The following ANKRD45 variants were observed in gnomAD, a reference collection of about 807,000 sequenced individuals.
The protein encoded by ANKRD45 is ankyrin repeat domain 45, also known as ankyrin repeat domain-containing protein 45.
ANKRD45 carries 21 observed loss-of-function variants against 28.1 expected under a neutral mutation model. The ratio of observed to expected loss-of-function variants is 0.75; its 90% CI spans 0.53 to 1.08. ANKRD45 has a LOEUF of 1.08. Ranked by LOEUF, ANKRD45 falls within the 50% of genes least tolerant of loss-of-function variation. The pLI, the probability that ANKRD45 is intolerant of heterozygous loss-of-function variation, is 0.00. For missense variants in ANKRD45, 261 were observed against 308.7 expected (o/e 0.85, Z 1.16); for synonymous variants, 86 against 103.9 (o/e 0.83, Z 1.05).
chr1:173,658,728 A>G (rs921990493), intron 2 of ANKRD45: 2 of 159,680 alleles, frequency 1.3e-5, no homozygotes, highest in African/African-American at 4.8e-5. Context: ...CTATATATCA[A>G]TTTACGATAT....
chr1:173,662,699 T>G (rs1669831245), intron 1 of ANKRD45, among the ~76,000 whole-genome samples: 1 of 152,112 alleles, frequency 6.6e-6, no homozygotes, highest in East Asian at 1.9e-4. Flanking sequence ...TATCAATCCT[T>G]CCAATCCCTC....
chr1:173,669,622 A>AT (rs1213139152), intron 1 of ANKRD45, among the ~76,000 whole-genome samples, 195 bp downstream of exon 1: 1 of 152,138 alleles, frequency 6.6e-6, no homozygotes, highest in Non-Finnish European at 1.5e-5. Flanking sequence ...ACCTTCTGCG[A>AT]TCCCTTGCGG....
intron 1 of ANKRD45, chr1:173,667,873 C>A: frequency 4.5e-6 from 1 of 223,800 alleles, no homozygotes; most frequent in Non-Finnish European, 9.0e-6. Context: ...CATATTGCAA[C>A]GGATAGACTG....
chr1:173,613,511 C>T (rs1167619608), intron 5 of ANKRD45, among the ~76,000 whole-genome samples: 2 of 131,494 alleles, frequency 1.5e-5, no homozygotes, highest in Non-Finnish European at 3.2e-5. Flanking sequence ...GAGGTGGGGG[C>T]TCAGCCCCCG....
the ANKRD45 span, among the ~76,000 whole-genome samples, chr1:173,694,446 G>GA: frequency 3.9e-5 from 6 of 151,998 alleles, no homozygotes; most frequent in Non-Finnish European, 7.4e-5. Context: ...TTACAAGCGT[G>GA]AATCACTGTG....
chr1:173,676,769 C>T, the ANKRD45 span, among the ~76,000 whole-genome samples: 1 of 144,248 alleles, frequency 6.9e-6, no homozygotes, highest in South Asian at 2.2e-4. Flanking sequence ...TTACTGATAA[C>T]ATACACTAAT....
At chr1:173,654,649 G>T (rs1448521717) in intron 2 of ANKRD45, among the ~76,000 whole-genome samples, 2 of 152,284 alleles carry the variant, frequency 1.3e-5, no homozygotes, top group African/African-American at 2.4e-5. Context: ...GGCCTGCCTT[G>T]CTAGGTTGGG....
the ANKRD45 span, among the ~76,000 whole-genome samples, chr1:173,706,929 C>T: frequency 6.6e-6 from 1 of 152,140 alleles, no homozygotes; most frequent in African/African-American, 2.4e-5. Flanking sequence ...TTCTTCCCCA[C>T]AGTTGTGTCA....
chr1:173,693,925 C>A, the ANKRD45 span, among the ~76,000 whole-genome samples: 1 of 152,300 alleles, frequency 6.6e-6, no homozygotes, highest in African/African-American at 2.4e-5. Context: ...AGCAATCTGG[C>A]TGGTTTAACT....
intron 5 of ANKRD45, among the ~76,000 whole-genome samples, chr1:173,622,966 A>C (rs1667769580): frequency 6.6e-6 from 1 of 152,082 alleles, no homozygotes; most frequent in African/African-American, 2.4e-5. Context: ...AAAAACAAAC[A>C]ACCCCATTAA....
the ANKRD45 span, among the ~76,000 whole-genome samples, chr1:173,693,976 G>A: frequency 6.6e-6 from 1 of 152,182 alleles, no homozygotes; most frequent in Non-Finnish European, 1.5e-5. Flanking sequence ...TAGGTTGCTG[G>A]CTAGAAAAGG....
At chr1:173,695,710 T>C in the ANKRD45 span, among the ~76,000 whole-genome samples, 1 of 152,152 alleles carries the variant, frequency 6.6e-6, no homozygotes, top group Non-Finnish European at 1.5e-5. Flanking sequence ...ATCCTTTGGG[T>C]ATATACCCAG....
chr1:173,636,152 T>C (rs562819424), intron 3 of ANKRD45, among the ~76,000 whole-genome samples: 2 of 152,138 alleles, frequency 1.3e-5, no homozygotes, highest in Non-Finnish European at 2.9e-5. Flanking sequence ...TCTGGGTCCT[T>C]AGGTAAGTCA....
the ANKRD45 span, among the ~76,000 whole-genome samples, chr1:173,710,417 G>A: frequency 6.6e-6 from 1 of 152,186 alleles, no homozygotes; most frequent in Non-Finnish European, 1.5e-5. Flanking sequence ...CAAGTGTGAA[G>A]TTTGACCTTC....
intron 1 of ANKRD45, chr1:173,669,478 G>A (rs1261091339): frequency 8.8e-6 from 4 of 455,864 alleles, no homozygotes; most frequent in African/African-American, 2.0e-5. Flanking sequence ...GGCACACAGA[G>A]TTAAACAAAG....
At chr1:173,701,430 C>G in the ANKRD45 span, among the ~76,000 whole-genome samples, 1 of 152,096 alleles carries the variant, frequency 6.6e-6, no homozygotes, top group Admixed American at 6.5e-5. Flanking sequence ...AAATGTCCAC[C>G]AATGATAGAC....
chr1:173,663,190 C>G (rs1375583583), intron 1 of ANKRD45, among the ~76,000 whole-genome samples: 1 of 152,012 alleles, frequency 6.6e-6, no homozygotes, highest in Non-Finnish European at 1.5e-5. Context: ...TTCTTCTTTT[C>G]TCTCTCTCAG....
the ANKRD45 span, among the ~76,000 whole-genome samples, chr1:173,690,065 C>A: frequency 1.2e-4 from 10 of 86,578 alleles, no homozygotes; most frequent in Non-Finnish European, 2.4e-4. Context: ...GCCCCCCGCC[C>A]CCCCCCCCCC....
At chr1:173,687,454 A>C in the ANKRD45 span, among the ~76,000 whole-genome samples, 203 of 74,366 alleles carry the variant, frequency 2.7e-3, no homozygotes, top group Middle Eastern at 7.8e-3. Flanking sequence ...TATAAATTCT[A>C]CCCCCCCCCC....
Sources: allele counts gnomAD v4.1 joint callset (sites outside exome capture counted in the v4.1 genomes callset), GRCh38; gene constraint gnomAD v4.1.1; transcripts MANE v1.5; gene names NCBI Gene and HGNC (gene_info 2026-07-23, HGNC 2026-07-21).